LNPEP: variants seen among roughly 807,000 people sequenced by gnomAD.
The protein encoded by LNPEP is leucyl and cystinyl aminopeptidase.
In LNPEP, 64 loss-of-function variants were observed where a neutral mutation model predicts 120.6. The observed-to-expected ratio is 0.53, with a 90% confidence interval of 0.43 to 0.65. The LOEUF (loss-of-function observed/expected upper bound fraction) is 0.65, where lower values mean the gene tolerates loss of function less well. LNPEP is among the 30% of genes least tolerant of loss of function. The probability of loss-of-function intolerance (pLI) is 0.00; values close to 1 mark genes in which losing one functional copy is unlikely to be tolerated. For missense variants in LNPEP, 1,057 were observed against 1,200.0 expected, an observed-to-expected ratio of 0.88 and a Z score of 1.76; for synonymous variants, 435 against 425.4, an observed-to-expected ratio of 1.02 and a Z score of -0.28.
intron 4 of LNPEP, among the ~76,000 whole-genome samples, chr5:96,988,369 G>A (rs1412183347): frequency 3.2e-5 from 4 of 123,560 alleles, no homozygotes; most frequent in East Asian, 2.2e-4. Flanking sequence ...ACAGAGTCTC[G>A]CACTGTCGCC....
chr5:96,943,396 C>T (rs1236529314), intron 1 of LNPEP, among the ~76,000 whole-genome samples: 1 of 152,192 alleles, frequency 6.6e-6, no homozygotes, highest in East Asian at 1.9e-4. Context: ...AAGCGATTCT[C>T]CTGCCTCAGC....
chr5:96,961,613 C>T (rs1789608451), intron 1 of LNPEP, among the ~76,000 whole-genome samples: 1 of 152,078 alleles, frequency 6.6e-6, no homozygotes, highest in South Asian at 2.1e-4. Flanking sequence ...GTTCATCCCT[C>T]AGTATCCTCT....
At chr5:96,940,874 G>A (rs1056940321) in intron 1 of LNPEP, among the ~76,000 whole-genome samples, 5 of 152,220 alleles carry the variant, frequency 3.3e-5, no homozygotes, top group Non-Finnish European at 5.9e-5. Context: ...CAAACTTTTC[G>A]GGACCAGGGA....
Position 96,986,542 on chromosome 5 carries a change from T to A in LNPEP, c.1003T>A (p.Ser335Thr). Residue 335 changes from serine (S) to threonine (T), a missense_variant, in exon 4 of 18, where the codon TCA becomes ACA. Physicochemically the swap from Ser to Thr is moderately conservative, Grantham distance 58. Transcript: ENST00000231368. ...YTALSNMPKKSSVVLDDGLVQ... is the reference protein window; with the variant it reads ...YTALSNMPKKTSVVLDDGLVQ... ...GTCTTTTCCCCTTTGCTTGTAGAAGTCATCAGTCGTTCTAGATGATGGACT... is the reference window on the plus strand; with the variant it reads ...GTCTTTTCCCCTTTGCTTGTAGAAGACATCAGTCGTTCTAGATGATGGACT... 1 of 1,612,834 alleles carries A rather than the reference T, an allele frequency of 6.2e-7. No homozygotes were observed. The highest frequency in any genetic ancestry group is 8.5e-7 in the Non-Finnish European group (1 of 1,179,220).
At chr5:96,997,969 A>G (rs747285707) in intron 7 of LNPEP, 45 bp from the exon 8 acceptor site, 2 of 1,355,140 alleles carry the variant, frequency 1.5e-6, no homozygotes, top group Non-Finnish European at 2.0e-6. Context: ...ATACTTTTGC[A>G]TTTGATACTA....
intron 15 of LNPEP, among the ~76,000 whole-genome samples, chr5:97,025,694 A>T (rs1352405948): frequency 3.9e-5 from 6 of 152,272 alleles, no homozygotes; most frequent in Non-Finnish European, 8.8e-5. Context: ...ATACCTACAT[A>T]TTTAACTGCA....
rs1455725213 is a variant in LNPEP at position 97,031,210 on chromosome 5, G to A, written c.*2677G>A. On this transcript the variant is annotated 3_prime_UTR_variant, in exon 18 of 18. Transcript: ENST00000231368. ...AAAGAATTGGAAATCTTGAGTTGTG[G>A]AAGAAATGTTTATGCTTTGGAGATC... 6.6e-6 allele frequency: 1 copy of A among 151,168 alleles called. No individual in the cohort carries two copies. The highest frequency in any genetic ancestry group is 1.5e-5 in the Non-Finnish European group (1 of 67,896). The allele number at this position is 151,168 out of a possible 1,614,324, so 9.4% of individuals were successfully genotyped here. A position where few individuals can be genotyped will look rare whatever the true frequency, so the allele number is the denominator to read the frequency against.
At chr5:96,976,846 A>T (rs1413538123) in intron 1 of LNPEP, among the ~76,000 whole-genome samples, 1 of 152,188 alleles carries the variant, frequency 6.6e-6, no homozygotes, top group African/African-American at 2.4e-5. Context: ...AAGCAATTTT[A>T]AAAAATTGAA....
At chr5:96,999,466 A>C (rs902348235) in intron 8 of LNPEP, among the ~76,000 whole-genome samples, 13 of 152,192 alleles carry the variant, frequency 8.5e-5, no homozygotes, top group Non-Finnish European at 1.9e-4. Context: ...TTAACAAACA[A>C]GAAAATCAGG....
At chr5:97,006,630 GT>G (rs1426537669) in intron 11 of LNPEP, 115 bp downstream of exon 11, 3 of 660,634 alleles carry the variant, frequency 4.5e-6, no homozygotes, top group Non-Finnish European at 8.1e-6. Context: ...GGTTTTATGA[GT>G]TGCATATGCA....
At chr5:97,010,912 A>G (rs186288292) in intron 11 of LNPEP, 3 of 985,344 alleles carry the variant, frequency 3.0e-6, no homozygotes, top group East Asian at 2.3e-4. Context: ...GAAAGAGACT[A>G]ATGATGTTGA....
intron 1 of LNPEP, among the ~76,000 whole-genome samples, chr5:96,961,816 A>AT (rs932576459): frequency 1.2e-4 from 19 of 152,156 alleles, no homozygotes; most frequent in African/African-American, 3.9e-4. Context: ...GATTTTTTCA[A>AT]TTTTTTTAAA....
intron 1 of LNPEP, among the ~76,000 whole-genome samples, chr5:96,941,328 G>C (rs1789047332): frequency 6.6e-6 from 1 of 152,194 alleles, no homozygotes; most frequent in African/African-American, 2.4e-5. Context: ...TGTGTGGCCT[G>C]ATTCCTAACA....
chr5:96,985,275 C>T (rs1021171909), intron 3 of LNPEP, 57 bp downstream of exon 3: 2 of 1,423,268 alleles, frequency 1.4e-6, no homozygotes, highest in Non-Finnish European at 1.9e-6. Context: ...TCTTTAAGAA[C>T]ACTTAAATTC....
intron 1 of LNPEP, among the ~76,000 whole-genome samples, chr5:96,954,821 C>T (rs1408456136): frequency 3.5e-5 from 4 of 112,774 alleles, no homozygotes; most frequent in African/African-American, 7.0e-5. Context: ...CTTGCTCTGT[C>T]GCCCAGGCTG....
At chr5:97,011,635 T>C (rs942951187) in intron 11 of LNPEP, among the ~76,000 whole-genome samples, 2 of 152,206 alleles carry the variant, frequency 1.3e-5, no homozygotes, top group African/African-American at 2.4e-5. Flanking sequence ...TCCTTAGTCA[T>C]AGGTTTGCTA....
rs1791436630 is a variant in LNPEP at position 97,029,924 on chromosome 5, G to A, written c.*1391G>A. 1 of 152,046 alleles carries A rather than the reference G, an allele frequency of 6.6e-6. No individual in the cohort carries two copies. The highest frequency in any genetic ancestry group is 2.4e-5 in the African/African-American group (1 of 41,436). 9.4% of individuals were successfully genotyped at this position (152,046 alleles called of 1,614,324 possible). On this transcript the variant is annotated 3_prime_UTR_variant, in exon 18 of 18. Transcript: ENST00000231368. ...TGTTTCTTTGATTCTTAGGAGAAAA[G>A]CTTTCTTCCTAATAATTCTTGAGAA...
chr5:97,025,282 C>A (rs553827046), intron 15 of LNPEP, among the ~76,000 whole-genome samples: 1 of 152,108 alleles, frequency 6.6e-6, no homozygotes, highest in African/African-American at 2.4e-5. Flanking sequence ...TGTTAGAAGT[C>A]GCACTGAGGA....
chr5:97,004,557 T>C (rs962233093), intron 9 of LNPEP, among the ~76,000 whole-genome samples: 30 of 152,024 alleles, frequency 2.0e-4, no homozygotes, highest in Middle Eastern at 3.4e-3. Flanking sequence ...ATTTGGAAAT[T>C]TGATGAAAGT....
Sources: gnomAD v4.1 joint callset for allele counts (sites outside exome capture counted in the v4.1 genomes callset) on GRCh38, gnomAD v4.1.1 for gene constraint, MANE v1.5 for transcripts, NCBI Gene and HGNC (gene_info 2026-07-23, HGNC 2026-07-21) for gene names.